Variants in MACROD2 observed in about 807,000 individuals in gnomAD.
MACROD2 encodes ADP-ribose glycohydrolase MACROD2.
MACROD2 carries 36 observed loss-of-function variants against 70.4 expected under a neutral mutation model. The ratio of observed to expected loss-of-function variants is 0.51; its 90% CI spans 0.39 to 0.68. The LOEUF (loss-of-function observed/expected upper bound fraction) is 0.68, where lower values mean the gene tolerates loss of function less well. Among genes scored for constraint, MACROD2 ranks in the 30% least tolerant of loss-of-function variants. The pLI is 0.00. For synonymous variants in MACROD2, 172 were observed against 178.8 expected (o/e 0.96, Z 0.30); for missense variants, 496 against 538.4 (o/e 0.92, Z 0.78).
At chr20:15,320,425 A>T (rs774266607) in intron 6 of MACROD2, among the ~76,000 whole-genome samples, 6 of 152,198 alleles carry the variant, frequency 3.9e-5, no homozygotes, top group Non-Finnish European at 7.3e-5. Context: ...ATCTGAATTG[A>T]TACAAAAGTA....
At chr20:15,139,939 G>GA (rs1298459203) in intron 5 of MACROD2, among the ~76,000 whole-genome samples, 2 of 152,120 alleles carry the variant, frequency 1.3e-5, no homozygotes, top group Non-Finnish European at 2.9e-5. Flanking sequence ...GTTCGCAACT[G>GA]AAAAAAGAGC....
chr20:15,078,580 A>C (rs1274710196), intron 5 of MACROD2, among the ~76,000 whole-genome samples: 2 of 152,196 alleles, frequency 1.3e-5, no homozygotes, highest in East Asian at 3.9e-4. Context: ...TCTTTATAAA[A>C]ATGTCAGTGC....
At chr20:15,376,047 C>T (rs2146269161) in intron 6 of MACROD2, among the ~76,000 whole-genome samples, 1 of 152,196 alleles carries the variant, frequency 6.6e-6, no homozygotes, top group South Asian at 2.1e-4. Context: ...GCCATGTGGT[C>T]CATGTTTACC....
chr20:14,684,658 C>T (rs12329495), intron 4 of MACROD2, among the ~76,000 whole-genome samples, 185 bp from the exon 5 acceptor site: 91,439 of 147,046 alleles, frequency 0.62, 29,031 homozygotes, highest in South Asian at 0.74. Context: ...ACCCCCCCCC[C>T]CCGGCCCCCG....
Position 15,911,418 on chromosome 20 carries a change from C to A in MACROD2, c.776-21858C>A, listed in dbSNP as rs112054805. On this transcript the variant is annotated intron_variant, in intron 10 of 17. Transcript: ENST00000684519. ...TAGGAGGACATAATGTCATGGCTAA[C>A]AATGTTGCTGTAAATTCGTTATCAA... 5.4e-3 allele frequency among the ~76,000 whole-genome samples: 824 copies of A among 152,298 alleles called. 1 individual carries two copies. Among genetic ancestry groups the A allele is most frequent in the Middle Eastern group, 0.01 (3 of 294 alleles).
intron 12 of MACROD2, among the ~76,000 whole-genome samples, chr20:15,948,873 G>T (rs1327124111): frequency 1.3e-5 from 2 of 152,110 alleles, no homozygotes; most frequent in Non-Finnish European, 1.5e-5. Flanking sequence ...TAAAGATCTT[G>T]TGAATAAGAC....
intron 6 of MACROD2, among the ~76,000 whole-genome samples, chr20:15,388,629 C>A (rs532964893): frequency 7.9e-5 from 12 of 152,170 alleles, no homozygotes; most frequent in African/African-American, 2.9e-4. Context: ...AGATCAGCAA[C>A]CCTAATTACC....
chr20:14,184,476 G>T (rs1391645617), intron 3 of MACROD2, among the ~76,000 whole-genome samples: 1 of 150,016 alleles, frequency 6.7e-6, no homozygotes, highest in Non-Finnish European at 1.5e-5. Context: ...CCTCGGCTTT[G>T]TTCTTTTTGC....
chr20:15,299,929 A>G (rs2146123725), intron 6 of MACROD2, among the ~76,000 whole-genome samples: 1 of 152,328 alleles, frequency 6.6e-6, no homozygotes, highest in South Asian at 2.1e-4. Context: ...GAAGAGAGGA[A>G]GCTTTGAGTA....
intron 6 of MACROD2, among the ~76,000 whole-genome samples, chr20:15,268,154 AAG>A (rs768195937): frequency 2.6e-5 from 4 of 152,142 alleles, no homozygotes; most frequent in Non-Finnish European, 4.4e-5. Context: ...GAGGTTTGAC[AAG>A]AGAGAGGGGA....
intron 3 of MACROD2, among the ~76,000 whole-genome samples, chr20:14,231,731 G>C (rs2081814970): frequency 6.6e-6 from 1 of 152,142 alleles, no homozygotes; most frequent in Admixed American, 6.5e-5. Context: ...TTCCACAATG[G>C]TTGAACTAGT....
intron 4 of MACROD2, among the ~76,000 whole-genome samples, chr20:14,515,463 A>ACACACACACACGCGCG (rs34190778): frequency 7.2e-5 from 10 of 138,820 alleles, no homozygotes; most frequent in African/African-American, 2.9e-4. Context: ...ATACACACAC[A>ACACACACACACGCGCG]CGCACACACA....
chr20:14,234,381 A>T (rs1306555884), intron 3 of MACROD2, among the ~76,000 whole-genome samples: 1 of 152,200 alleles, frequency 6.6e-6, no homozygotes, highest in Non-Finnish European at 1.5e-5. Flanking sequence ...AAGGTTTTCC[A>T]CACATTTTTT....
chr20:15,327,146 G>A (rs940910835), intron 6 of MACROD2, among the ~76,000 whole-genome samples: 7 of 152,084 alleles, frequency 4.6e-5, no homozygotes, highest in East Asian at 1.9e-4. Context: ...GGACACTCAC[G>A]GGCATGTATG....
chr20:16,014,739 G>A (rs1011664392), intron 15 of MACROD2, among the ~76,000 whole-genome samples: 1 of 152,194 alleles, frequency 6.6e-6, no homozygotes. Flanking sequence ...GTCCTTTGGT[G>A]AGGGTTCCTG....
chr20:15,544,352 A>C (rs2047999262), intron 8 of MACROD2, among the ~76,000 whole-genome samples: 1 of 152,206 alleles, frequency 6.6e-6, no homozygotes, highest in African/African-American at 2.4e-5. Flanking sequence ...ATAGACTCTG[A>C]CAGTAGCAAG....
chr20:14,224,154 A>G (rs971748656), intron 3 of MACROD2, among the ~76,000 whole-genome samples: 2 of 152,134 alleles, frequency 1.3e-5, no homozygotes, highest in African/African-American at 2.4e-5. Flanking sequence ...GAAACATACT[A>G]TTTGATCAAA....
At chr20:14,303,323 A>G (rs1402434833) in intron 3 of MACROD2, among the ~76,000 whole-genome samples, 1 of 152,184 alleles carries the variant, frequency 6.6e-6, no homozygotes, top group Non-Finnish European at 1.5e-5. Flanking sequence ...CGCTGGCCGT[A>G]GAGTCCTTGC....
At chr20:15,142,207 A>T (rs382050) in intron 5 of MACROD2, among the ~76,000 whole-genome samples, 89,593 of 151,964 alleles carry the variant, frequency 0.59, 26,554 homozygotes, top group East Asian at 0.65. Flanking sequence ...AACTACTAAG[A>T]CTCAATAAAT....
Sources: allele counts gnomAD v4.1 joint callset (sites outside exome capture counted in the v4.1 genomes callset), GRCh38; gene constraint gnomAD v4.1.1; transcripts MANE v1.5; gene names NCBI Gene and HGNC (gene_info 2026-07-23, HGNC 2026-07-21).